PRKAR1B: variants seen among roughly 807,000 people sequenced by gnomAD.
The protein encoded by PRKAR1B is cAMP-dependent protein kinase type I-beta regulatory subunit.
A neutral mutation model predicts 46.5 loss-of-function variants in PRKAR1B; 22 were observed. The ratio of observed to expected loss-of-function variants is 0.47; its 90% CI spans 0.34 to 0.68. The LOEUF (loss-of-function observed/expected upper bound fraction) is 0.68. Ranked by LOEUF, PRKAR1B falls within the 30% of genes least tolerant of loss-of-function variation. The pLI is 0.01. For synonymous variants in PRKAR1B, 259 were observed against 217.7 expected (o/e 1.19, Z -1.67); for missense variants, 445 against 535.6 (o/e 0.83, Z 1.67).
intron 2 of PRKAR1B, among the ~76,000 whole-genome samples, chr7:710,025 C>T (rs932179617): frequency 9.2e-5 from 14 of 152,248 alleles, no homozygotes; most frequent in Non-Finnish European, 2.1e-4. Flanking sequence ...TTTCCACTTC[C>T]GAACTTTTCA....
At chr7:563,797 G>A (rs139399144) in intron 9 of PRKAR1B, among the ~76,000 whole-genome samples, 285 of 151,618 alleles carry the variant, frequency 1.9e-3, no homozygotes, top group African/African-American at 6.5e-3. Context: ...ATGTGTGTAC[G>A]TGTGTGTGCA....
chr7:583,604 A>AC (rs150160720), intron 8 of PRKAR1B, among the ~76,000 whole-genome samples: 31,900 of 100,054 alleles, frequency 0.32, 5,317 homozygotes, highest in African/African-American at 0.4. Context: ...GTGCACACAC[A>AC]CCCCCTCACA....
At chr7:608,217 C>G (rs752222604) in intron 4 of PRKAR1B, 1 of 152,280 alleles carries the variant, frequency 6.6e-6, no homozygotes, top group Non-Finnish European at 1.5e-5. Context: ...GAGACCAGAC[C>G]CCTCAAAGAG....
chr7:612,066 G>T (rs1428868303), intron 4 of PRKAR1B, among the ~76,000 whole-genome samples: 1 of 151,848 alleles, frequency 6.6e-6, no homozygotes, highest in Non-Finnish European at 1.5e-5. Context: ...TGGATGGATG[G>T]ATGGATGGAC....
intron 7 of PRKAR1B, among the ~76,000 whole-genome samples, chr7:587,779 C>A (rs574073553): frequency 6.6e-6 from 1 of 152,196 alleles, no homozygotes; most frequent in South Asian, 2.1e-4. Flanking sequence ...GGAGGCCCTG[C>A]AGGAGTGGAG....
intron 4 of PRKAR1B, among the ~76,000 whole-genome samples, chr7:643,650 A>T (rs1163579633): frequency 6.8e-6 from 1 of 147,450 alleles, no homozygotes; most frequent in African/African-American, 2.6e-5. Context: ...TGAACTGGGG[A>T]GGTGGAGGTT....
intron 8 of PRKAR1B, among the ~76,000 whole-genome samples, chr7:583,384 CA>C (rs1780322678): frequency 7.9e-6 from 1 of 127,384 alleles, no homozygotes; most frequent in Non-Finnish European, 1.8e-5. Flanking sequence ...CACACATGTG[CA>C]CACTCACACC....
At chr7:569,002 AGTT>A (rs1009225293) in intron 9 of PRKAR1B, among the ~76,000 whole-genome samples, 11 of 147,546 alleles carry the variant, frequency 7.5e-5, no homozygotes, top group Non-Finnish European at 1.3e-4. Flanking sequence ...TGCTTTTTAG[AGTT>A]GTTATTTTTT....
intron 4 of PRKAR1B, among the ~76,000 whole-genome samples, chr7:653,039 G>A (rs1241180772): frequency 6.6e-6 from 1 of 152,138 alleles, no homozygotes; most frequent in African/African-American, 2.4e-5. Context: ...TGACTGCTTG[G>A]GCTTCCCCAC....
chr7:564,862 A>G (rs1779036495), intron 9 of PRKAR1B, among the ~76,000 whole-genome samples: 1 of 152,096 alleles, frequency 6.6e-6, no homozygotes, highest in African/African-American at 2.4e-5. Context: ...ATGCCCCCCA[A>G]CCTTGCATCT....
intron 4 of PRKAR1B, among the ~76,000 whole-genome samples, chr7:648,954 A>G (rs1784757486): frequency 6.6e-6 from 1 of 152,156 alleles, no homozygotes; most frequent in East Asian, 1.9e-4. Context: ...GCCTGAGGTC[A>G]GGGGTTCAAG....
At chr7:672,977 C>T (rs1467603534) in intron 4 of PRKAR1B, among the ~76,000 whole-genome samples, 1 of 140,982 alleles carries the variant, frequency 7.1e-6, no homozygotes, top group Admixed American at 7.8e-5. Flanking sequence ...CACGGAAGGC[C>T]GAGGCTGCAG....
intron 9 of PRKAR1B, among the ~76,000 whole-genome samples, chr7:572,717 G>C (rs1372660205): frequency 6.6e-6 from 1 of 152,224 alleles, no homozygotes; most frequent in Non-Finnish European, 1.5e-5. Flanking sequence ...CTGGAGAGCC[G>C]AGGGGAGCAG....
chr7:551,169 G>A (rs1307630261), intron 10 of PRKAR1B, among the ~76,000 whole-genome samples: 1 of 152,072 alleles, frequency 6.6e-6, no homozygotes, highest in African/African-American at 2.4e-5. Flanking sequence ...GGGACCCCAC[G>A]TCCAGGGCTC....
intron 2 of PRKAR1B, among the ~76,000 whole-genome samples, chr7:692,924 G>A (rs1262184649): frequency 1.3e-5 from 2 of 151,938 alleles, no homozygotes; most frequent in East Asian, 3.9e-4. Context: ...GTTTGTTTGA[G>A]CAGGTGAGTG....
At chr7:610,625 C>G (rs190625749) in intron 4 of PRKAR1B, among the ~76,000 whole-genome samples, 12 of 152,336 alleles carry the variant, frequency 7.9e-5, no homozygotes, top group African/African-American at 2.4e-4. Context: ...CTCCAGGCAA[C>G]AGCCCCGAGG....
chr7:716,663 A>G (rs1228940424), intron 1 of PRKAR1B: 1 of 152,220 alleles, frequency 6.6e-6, no homozygotes, highest in Non-Finnish European at 1.5e-5. Flanking sequence ...CGAAGAGACC[A>G]ACACAGCTAT....
chr7:550,014 CACTCA>C lies in PRKAR1B; in HGVS notation c.*411_*415del. 5.3e-6 allele frequency: 1 copy of C among 187,146 alleles called. No individual in the cohort carries two copies. Among genetic ancestry groups the C allele is most frequent in the Non-Finnish European group, 1.1e-5 (1 of 89,708 alleles). The allele number at this position is 187,146 out of a possible 1,614,324, so 11.6% of individuals were successfully genotyped here. Reference sequence around the variant, plus strand: ...CAGCCCCTTTTGACACACTTGCCCACACTCAGACCTCAATCTGGGGGACCTGACCT... The same window carrying C: ...CAGCCCCTTTTGACACACTTGCCCACGACCTCAATCTGGGGGACCTGACCT... On this transcript the variant is annotated 3_prime_UTR_variant, in exon 11 of 11. Transcript: ENST00000537384.
At chr7:653,911 C>G (rs572076271) in intron 4 of PRKAR1B, among the ~76,000 whole-genome samples, 7 of 151,910 alleles carry the variant, frequency 4.6e-5, no homozygotes, top group Admixed American at 3.3e-4. Context: ...TCATCACCAT[C>G]ACCTTCACCA....
Sources: allele counts gnomAD v4.1 joint callset (sites outside exome capture counted in the v4.1 genomes callset), GRCh38; gene constraint gnomAD v4.1.1; transcripts MANE v1.5; gene names NCBI Gene and HGNC (gene_info 2026-07-23, HGNC 2026-07-21).